The following MUSK variants were observed in gnomAD, a reference collection of about 807,000 sequenced individuals.
The protein encoded by MUSK is muscle associated receptor tyrosine kinase.
A neutral mutation model predicts 88.7 loss-of-function variants in MUSK; 55 were observed. The observed-to-expected ratio is 0.62, with a 90% CI of 0.50 to 0.78. The LOEUF is 0.78. MUSK is among the 30% of genes least tolerant of loss of function. MUSK has a pLI of 0.00. For synonymous variants in MUSK, 387 were observed against 391.9 expected (o/e 0.99, Z 0.15); for missense variants, 1,015 against 1,074.3 (o/e 0.94, Z 0.77).
chr9:110,711,829 C>A (rs2076675419), intron 5 of MUSK, among the ~76,000 whole-genome samples: 1 of 152,156 alleles, frequency 6.6e-6, no homozygotes, highest in South Asian at 2.1e-4. Flanking sequence ...CTATAAGGAA[C>A]AATTTGTGCT....
intron 5 of MUSK, among the ~76,000 whole-genome samples, chr9:110,718,268 C>A (rs1182611605): frequency 1.3e-5 from 2 of 152,026 alleles, no homozygotes; most frequent in African/African-American, 2.4e-5. Flanking sequence ...TAATGTTTTT[C>A]ATGGTCTAGC....
chr9:110,781,555 C>G (rs954568237), intron 11 of MUSK, among the ~76,000 whole-genome samples: 2 of 152,126 alleles, frequency 1.3e-5, no homozygotes, highest in African/African-American at 4.8e-5. Flanking sequence ...GGATTACAGG[C>G]GTGAGCTACT....
chr9:110,734,418 T>C, intron 6 of MUSK, 43 bp downstream of exon 6: 1 of 1,612,124 alleles, frequency 6.2e-7, no homozygotes. Flanking sequence ...GAAGACCCAT[T>C]GGTGGTGAAC....
At chr9:110,676,343 C>CATATATT (rs1199946219) in intron 1 of MUSK, among the ~76,000 whole-genome samples, 1,684 of 112,196 alleles carry the variant, frequency 0.015, 39 homozygotes, top group African/African-American at 0.045. Context: ...CATACACACA[C>CATATATT]ATATATTATA....
chr9:110,689,070 T>C (rs1036003854), intron 3 of MUSK, among the ~76,000 whole-genome samples: 10 of 138,938 alleles, frequency 7.2e-5, no homozygotes, highest in African/African-American at 1.8e-4. Context: ...ATAGCTATAG[T>C]TATATATAGT....
rs190904309 is a variant in MUSK at position 110,765,402 on chromosome 9, A to G, written c.921-2418A>G. Among the ~76,000 whole-genome samples the G allele has an allele frequency of 7.2e-4, 109 of 152,330 alleles. 1 individual carries two copies. Among genetic ancestry groups the G allele is most frequent in the Non-Finnish European group, 1.4e-3 (94 of 68,032 alleles). On this transcript the variant is annotated intron_variant, in intron 8 of 14. Transcript: ENST00000374448. Reference sequence around the variant, plus strand: ...TACTCCTTATTATATAGTTTCTTAAAGCACAGTGTAGAAGCTGGTTAGGGA... The same window carrying G: ...TACTCCTTATTATATAGTTTCTTAAGGCACAGTGTAGAAGCTGGTTAGGGA...
chr9:110,751,558 G>A (rs1368986792), intron 7 of MUSK, among the ~76,000 whole-genome samples: 2 of 152,208 alleles, frequency 1.3e-5, no homozygotes, highest in Non-Finnish European at 2.9e-5. Flanking sequence ...TGCCTATGAA[G>A]AGCAGTTATC....
At chr9:110,755,652 T>A (rs1377260780) in intron 7 of MUSK, among the ~76,000 whole-genome samples, 1 of 151,986 alleles carries the variant, frequency 6.6e-6, no homozygotes, top group Non-Finnish European at 1.5e-5. Context: ...TCTGCTTCAC[T>A]CTCTCCACTG....
intron 3 of MUSK, 24 bp downstream of exon 3, chr9:110,687,292 AT>A: frequency 6.2e-7 from 1 of 1,612,052 alleles, no homozygotes. Flanking sequence ...AGATTCGTCT[AT>A]TGATTTGAAA....
chr9:110,718,539 A>G (rs1564242717), intron 5 of MUSK, among the ~76,000 whole-genome samples: 1 of 152,156 alleles, frequency 6.6e-6, no homozygotes, highest in Non-Finnish European at 1.5e-5. Flanking sequence ...CAAAGAAAAA[A>G]TAATTTTTAA....
intron 4 of MUSK, among the ~76,000 whole-genome samples, chr9:110,695,957 G>A (rs977522293): frequency 2.0e-5 from 3 of 152,088 alleles, no homozygotes; most frequent in African/African-American, 7.2e-5. Flanking sequence ...AGAGAAGTTA[G>A]GCGAAAAGAC....
At chr9:110,781,482 T>C (rs574903425) in intron 11 of MUSK, among the ~76,000 whole-genome samples, 4 of 152,300 alleles carry the variant, frequency 2.6e-5, no homozygotes, top group South Asian at 2.1e-4. Flanking sequence ...TTCACCGTGT[T>C]AGCCAGGATG....
intron 11 of MUSK, among the ~76,000 whole-genome samples, chr9:110,779,328 C>T (rs991097466): frequency 2.0e-5 from 3 of 152,088 alleles, no homozygotes. Flanking sequence ...AACAATTTAG[C>T]TATGTAGAAC....
rs113833806 is a variant in MUSK, at chr9:110,804,896, G to A, written c.*3908G>A. ...TTGGTAGGTAAATAGATAGATAGAT[G>A]ATACATAGAGAGAGATAGATAGATA... On this transcript the variant is annotated 3_prime_UTR_variant, in exon 15 of 15. Transcript: ENST00000374448. Among the ~76,000 whole-genome samples, 3 of 151,832 alleles carry A rather than the reference G, an allele frequency of 2.0e-5. No individual in the cohort carries two copies. Among genetic ancestry groups the A allele is most frequent in the African/African-American group, 7.2e-5 (3 of 41,416 alleles).
intron 5 of MUSK, among the ~76,000 whole-genome samples, chr9:110,706,430 T>C (rs1284386370): frequency 1.3e-5 from 2 of 152,098 alleles, no homozygotes; most frequent in East Asian, 3.9e-4. Context: ...TTTGTCTGCT[T>C]CTCTAATCCA....
At chr9:110,784,728 T>C in intron 11 of MUSK, 87 bp from the exon 12 acceptor site, 1 of 1,022,652 alleles carries the variant, frequency 9.8e-7, no homozygotes, top group Non-Finnish European at 1.4e-6. Flanking sequence ...ATTATTATCA[T>C]GAAATTTATT....
At position 110,775,874 on chromosome 9, in the gene MUSK, C is replaced by T; in HGVS notation, c.1271C>T (p.Ser424Phe). 7 of 1,613,920 alleles carry T rather than the reference C, an allele frequency of 4.3e-6. No individual in the cohort carries two copies. Among genetic ancestry groups the T allele is most frequent in the Non-Finnish European group, 5.9e-6 (7 of 1,179,842 alleles). The part of the protein sequence containing the change: ...EEKTHRGLYR[S>F]EMHLLSVPEC... ...AAGACCCACAGAGGACTCTACAGAT[C>T]CGAGATGCATTTGCTGTCCGTGCCA... Residue 424 changes from serine to phenylalanine, a missense_variant, in exon 10 of 15, where the codon TCC becomes TTC. Ser to Phe is a radical substitution (Grantham distance 155, BLOSUM62 -2). Coordinates refer to ENST00000374448, the MANE Select transcript of MUSK (RefSeq NM_005592.4).
chr9:110,772,534 T>C (rs1314902529), intron 9 of MUSK, among the ~76,000 whole-genome samples: 1 of 151,956 alleles, frequency 6.6e-6, no homozygotes, highest in African/African-American at 2.4e-5. Flanking sequence ...ATTTTTACAT[T>C]TTAATATTTT....
intron 5 of MUSK, among the ~76,000 whole-genome samples, chr9:110,722,662 G>A (rs967686543): frequency 1.3e-5 from 2 of 151,734 alleles, no homozygotes; most frequent in African/African-American, 4.8e-5. Context: ...TGACCAAGGA[G>A]TAATATTCAG....
Sources: gnomAD v4.1 joint callset for allele counts (sites outside exome capture counted in the v4.1 genomes callset) on GRCh38, gnomAD v4.1.1 for gene constraint, MANE v1.5 for transcripts, NCBI Gene and HGNC (gene_info 2026-07-23, HGNC 2026-07-21) for gene names.